Variants in TRAPPC12 observed in about 807,000 individuals in gnomAD.
TRAPPC12 encodes the protein TPR repeat protein 15.
In TRAPPC12, 61 loss-of-function variants were observed where a neutral mutation model predicts 69.2. The observed-to-expected ratio is 0.88, with a 90% CI of 0.72 to 1.09. The LOEUF is 1.09. Ranked by LOEUF, TRAPPC12 falls within the 50% of genes least tolerant of loss-of-function variation. The pLI, the probability that TRAPPC12 is intolerant of heterozygous loss-of-function variation, is 0.00. For missense variants in TRAPPC12, 1,101 were observed against 1,016.4 expected (o/e 1.08, Z -1.13); for synonymous variants, 469 against 438.9 (o/e 1.07, Z -0.86).
chr2:3,460,380 C>T (rs979779351), intron 8 of TRAPPC12, 44 bp downstream of exon 8: 5 of 852,092 alleles, frequency 5.9e-6, no homozygotes, highest in South Asian at 1.4e-5. Flanking sequence ...TCTGGAAGAG[C>T]GGGGTCAGTG....
At position 3,412,335 on chromosome 2, in the gene TRAPPC12, T is replaced by G. The variant is rs183806052; in HGVS notation, c.1165-9546T>G. 3.2e-4 allele frequency among the ~76,000 whole-genome samples: 48 copies of G among 152,132 alleles called. No homozygotes were observed. The East Asian group carries it at 8.9e-3, about 28-fold the overall frequency. ...CAGCACTTTGGGAGGCCGAGGCAGG[T>G]GGATCACCTGAGGTCAGGAGTTTTA... On this transcript the variant is annotated intron_variant, in intron 3 of 11. Transcript: ENST00000324266.
intron 5 of TRAPPC12, among the ~76,000 whole-genome samples, chr2:3,428,381 A>G (rs1048914058): frequency 6.6e-6 from 1 of 152,224 alleles, no homozygotes; most frequent in Non-Finnish European, 1.5e-5. Flanking sequence ...GCATAAATGT[A>G]AGATTTTGAT....
chr2:3,407,422 C>T (rs1472448497), intron 3 of TRAPPC12, among the ~76,000 whole-genome samples: 1 of 151,298 alleles, frequency 6.6e-6, no homozygotes, highest in Non-Finnish European at 1.5e-5. Flanking sequence ...TTTTACATGT[C>T]ATGTACAGTA....
At chr2:3,464,145 C>T (rs1665668396) in intron 8 of TRAPPC12, among the ~76,000 whole-genome samples, 1 of 151,962 alleles carries the variant, frequency 6.6e-6, no homozygotes, top group Non-Finnish European at 1.5e-5. Context: ...CGTCCACACA[C>T]ACACATGCTC....
chr2:3,452,246 C>T (rs970624389), intron 6 of TRAPPC12, among the ~76,000 whole-genome samples: 5 of 152,116 alleles, frequency 3.3e-5, no homozygotes, highest in African/African-American at 4.8e-5. Flanking sequence ...GCTTCTTGTG[C>T]GTCTCACAGC....
intron 6 of TRAPPC12, chr2:3,449,205 C>T (rs1384173416): frequency 1.3e-5 from 2 of 152,228 alleles, no homozygotes; most frequent in African/African-American, 4.8e-5. Context: ...CCTCTGGGGT[C>T]GAGAGAGCTT....
At chr2:3,389,677 T>C (rs1209723308) in intron 2 of TRAPPC12, 1 of 471,034 alleles carries the variant, frequency 2.1e-6, no homozygotes, top group East Asian at 7.0e-5. Flanking sequence ...GGGTGGGGGA[T>C]GGAGGGTTAC....
At chr2:3,466,539 T>A (rs943802267) in intron 9 of TRAPPC12, 7 of 396,808 alleles carry the variant, frequency 1.8e-5, no homozygotes, top group African/African-American at 1.5e-4. Context: ...GAACAGGGCC[T>A]CTGTGAACTC....
intron 5 of TRAPPC12, among the ~76,000 whole-genome samples, chr2:3,433,591 A>C (rs1366881090): frequency 6.6e-6 from 1 of 152,234 alleles, no homozygotes; most frequent in Non-Finnish European, 1.5e-5. Flanking sequence ...GGAAGCTGAA[A>C]TGTCATCTTT....
At chr2:3,395,565 T>TTA (rs1488782157) in intron 2 of TRAPPC12, among the ~76,000 whole-genome samples, 2 of 147,398 alleles carry the variant, frequency 1.4e-5, no homozygotes, top group Non-Finnish European at 3.0e-5. Flanking sequence ...TATTACTTTT[T>TTA]TTTTTTTTTT....
chr2:3,411,901 A>G lies in TRAPPC12; in HGVS notation c.1165-9980A>G, dbSNP rs1320219245. 4.6e-5 allele frequency among the ~76,000 whole-genome samples: 7 copies of G among 152,358 alleles called. No homozygotes were observed. The East Asian group carries it at 1.3e-3, about 29-fold the overall frequency. The stretch of plus-strand genomic sequence containing the variant: ...AGCACCTGAGTGCACTGGCTGTAGC[A>G]TCTCCTTGCCTATCCTGACTTGTAT... On this transcript the variant is annotated intron_variant, in intron 3 of 11. Coordinates refer to ENST00000324266, the MANE Select transcript of TRAPPC12 (RefSeq NM_016030.6).
chr2:3,479,265 AG>A lies in TRAPPC12; in HGVS notation c.2014del (p.Asp672ThrfsTer26). 6.2e-7 allele frequency: 1 copy of A among 1,614,140 alleles called. No homozygotes were observed. Among genetic ancestry groups the A allele is most frequent in the Non-Finnish European group, 8.5e-7 (1 of 1,180,012 alleles). ...TGTCTGCTCTACCTGGGCAAGCTCAAGGACTCCCTGCGGCAGCTGGAGGCCA... is the reference window on the plus strand; with the variant it reads ...TGTCTGCTCTACCTGGGCAAGCTCAAGACTCCCTGCGGCAGCTGGAGGCCA... ...AVCLLYLGKL[K>X]DSLRQLEAMV... On this transcript the variant is annotated frameshift_variant, in exon 12 of 12. Transcript: ENST00000324266. LOFTEE classifies it high-confidence loss of function.
At chr2:3,383,812 A>G (rs1660345347) in intron 1 of TRAPPC12, among the ~76,000 whole-genome samples, 1 of 149,778 alleles carries the variant, frequency 6.7e-6, no homozygotes, top group African/African-American at 2.5e-5. Context: ...ACATCACTCA[A>G]GGAAAATCGT....
intron 6 of TRAPPC12, among the ~76,000 whole-genome samples, chr2:3,451,659 G>A (rs1664856888): frequency 6.6e-6 from 1 of 152,112 alleles, no homozygotes; most frequent in African/African-American, 2.4e-5. Context: ...GAGTAGCTGG[G>A]ACTACAGGCA....
In TRAPPC12 at chr2:3,409,394, G is replaced by A. The variant is rs117175892; in HGVS notation, c.1164+7501G>A. Among the ~76,000 whole-genome samples, 188 of 152,266 alleles carry A rather than the reference G, an allele frequency of 1.2e-3. 3 individuals are homozygous for A. In the East Asian group the frequency reaches 0.032, roughly 26 times the overall value. On this transcript the variant is annotated intron_variant, in intron 3 of 11. Coordinates refer to ENST00000324266, the MANE Select transcript of TRAPPC12 (RefSeq NM_016030.6). ...ATTTGGGAAAGTATAAATTGTAAAT[G>A]GTAAATAATGTGTTTTCTTCTCTTT... is the stretch of plus-strand genomic sequence containing the variant.
At chr2:3,457,993 G>C in intron 7 of TRAPPC12, 1 of 1,241,348 alleles carries the variant, frequency 8.1e-7, no homozygotes, top group African/African-American at 1.5e-5. Context: ...GCGCGAGGAA[G>C]GAGCCCAGCC....
At chr2:3,424,227 T>C (rs1662971241) in intron 4 of TRAPPC12, among the ~76,000 whole-genome samples, 2 of 152,196 alleles carry the variant, frequency 1.3e-5, no homozygotes, top group Admixed American at 1.3e-4. Context: ...TCAATAGTAA[T>C]TTCTTCTTAG....
chr2:3,407,559 G>T (rs557954622), intron 3 of TRAPPC12, among the ~76,000 whole-genome samples: 2 of 152,240 alleles, frequency 1.3e-5, no homozygotes, highest in African/African-American at 2.4e-5. Context: ...AATAGAGGAG[G>T]GGGGAGGCCG....
intron 2 of TRAPPC12, chr2:3,389,709 C>T (rs1173279486): frequency 2.1e-6 from 1 of 471,052 alleles, no homozygotes; most frequent in Admixed American, 2.3e-5. Context: ...TGTCTTGGTA[C>T]CTGCACTCCG....
Sources: gnomAD v4.1 joint callset for allele counts (sites outside exome capture counted in the v4.1 genomes callset) on GRCh38, gnomAD v4.1.1 for gene constraint, MANE v1.5 for transcripts, NCBI Gene and HGNC (gene_info 2026-07-23, HGNC 2026-07-21) for gene names.